PARP12: variants seen among roughly 807,000 people sequenced by gnomAD.
The protein encoded by PARP12 is poly(ADP-ribose) polymerase family member 12, also known as protein mono-ADP-ribosyltransferase PARP12.
Under a neutral mutation model 72.4 loss-of-function variants are expected in PARP12, and 59 were observed. The ratio of observed to expected loss-of-function variants is 0.81; its 90% CI spans 0.66 to 1.01. The LOEUF is 1.01. Among genes scored for constraint, PARP12 ranks in the 50% least tolerant of loss-of-function variants. The probability of loss-of-function intolerance (pLI) is 0.00; values close to 1 mark genes in which losing one functional copy is unlikely to be tolerated. For synonymous variants in PARP12, 403 were observed against 371.4 expected, an observed-to-expected ratio of 1.09 and a Z score of -0.98; for missense variants, 851 against 914.0, an observed-to-expected ratio of 0.93 and a Z score of 0.89.
At position 140,037,851 on chromosome 7, in the gene PARP12, C is replaced by G. The variant is rs538895238; in HGVS notation, c.1188G>C (p.Thr396=). The G allele has an allele frequency of 6.2e-7, 1 of 1,605,222 alleles. No homozygotes were observed. The highest frequency in any genetic ancestry group is 1.1e-5 in the South Asian group (1 of 90,846). Residue 396 remains threonine (T), a synonymous_variant, in exon 7 of 12, where the codon ACG becomes ACC. Coordinates refer to ENST00000263549, the MANE Select transcript of PARP12 (RefSeq NM_022750.4). ...TGCTGACAGTGGTCACAGGGTGCAC[C>G]GTGCCCTGCGATGGAAAGCCAGACA... The part of the protein sequence containing the change: ...GSWQEYGRQG[T]VHPVTTVSSS...
chr7:140,062,857 G>GCCTGCTCCCGTCGGA lies in PARP12; in HGVS notation c.-25_-11dup. 7.7e-7 allele frequency: 1 copy of GCCTGCTCCCGTCGGA among 1,295,852 alleles called. No homozygotes were observed. Among genetic ancestry groups the GCCTGCTCCCGTCGGA allele is most frequent in the Non-Finnish European group, 9.8e-7 (1 of 1,025,002 alleles). The allele number at this position is 1,295,852 out of a possible 1,614,324, so 80.3% of individuals were successfully genotyped here. ...CGCCGGCCTGGGCCATGGCCGCTGG[G>GCCTGCTCCCGTCGGA]CCTGCTCCCGTCGGACCGCGGGTGG... On this transcript the variant is annotated 5_prime_UTR_variant, in exon 1 of 12. Transcript: ENST00000263549.
intron 4 of PARP12, among the ~76,000 whole-genome samples, chr7:140,053,762 T>C (rs1817066004): frequency 6.6e-6 from 1 of 152,172 alleles, no homozygotes; most frequent in Non-Finnish European, 1.5e-5. Context: ...CACTTGTTTT[T>C]AAAATGAGGT....
At chr7:140,043,811 C>T (rs146405882) in intron 5 of PARP12, among the ~76,000 whole-genome samples, 163 of 152,272 alleles carry the variant, frequency 1.1e-3, no homozygotes, top group African/African-American at 3.5e-3. Flanking sequence ...GGATTACACG[C>T]GTGAGCCACT....
intron 7 of PARP12, 43 bp from the exon 8 acceptor site, chr7:140,034,374 T>A: frequency 6.8e-7 from 1 of 1,463,744 alleles, no homozygotes; most frequent in Non-Finnish European, 9.4e-7. Flanking sequence ...CATATACATA[T>A]ACATACACAC....
At chr7:140,055,902 A>G (rs1817158518) in intron 3 of PARP12, among the ~76,000 whole-genome samples, 1 of 152,232 alleles carries the variant, frequency 6.6e-6, no homozygotes. Context: ...CTGGCATGCA[A>G]CTGACATTCT....
At chr7:140,046,039 A>T (rs1816705980) in intron 5 of PARP12, among the ~76,000 whole-genome samples, 1 of 152,212 alleles carries the variant, frequency 6.6e-6, no homozygotes, top group Non-Finnish European at 1.5e-5. Context: ...AATGATCCGT[A>T]TCTCAATCAG....
At chr7:140,037,042 G>T (rs1816230716) in intron 7 of PARP12, among the ~76,000 whole-genome samples, 1 of 152,236 alleles carries the variant, frequency 6.6e-6, no homozygotes, top group African/African-American at 2.4e-5. Context: ...ATGGCAGCAG[G>T]CCAGGCGCGG....
chr7:140,030,485 C>A (rs1815897021), intron 8 of PARP12, among the ~76,000 whole-genome samples: 1 of 152,208 alleles, frequency 6.6e-6, no homozygotes, highest in Admixed American at 6.5e-5. Flanking sequence ...GTAGTCCAAG[C>A]TACTCAGGAG....
intron 8 of PARP12, chr7:140,028,895 A>G (rs942073982): frequency 2.4e-5 from 10 of 413,210 alleles, no homozygotes; most frequent in African/African-American, 2.1e-4. Context: ...AACTCCAAAC[A>G]GTCCTGAGAG....
chr7:140,044,205 T>C (rs573087076), intron 5 of PARP12, among the ~76,000 whole-genome samples: 3 of 152,302 alleles, frequency 2.0e-5, no homozygotes, highest in Non-Finnish European at 4.4e-5. Context: ...GACTATCTAT[T>C]ATACTGGATT....
At chr7:140,030,772 T>G (rs1423039378) in intron 8 of PARP12, among the ~76,000 whole-genome samples, 1 of 152,252 alleles carries the variant, frequency 6.6e-6, no homozygotes, top group Non-Finnish European at 1.5e-5. Context: ...TAAACTTTCT[T>G]AAAACATTAT....
At chr7:140,061,651 C>A (rs1817448812) in intron 1 of PARP12, among the ~76,000 whole-genome samples, 1 of 152,282 alleles carries the variant, frequency 6.6e-6, no homozygotes, top group East Asian at 1.9e-4. Context: ...CCATCACCTC[C>A]AGGGTGAGGC....
At chr7:140,044,207 T>C (rs911269790) in intron 5 of PARP12, among the ~76,000 whole-genome samples, 1 of 152,224 alleles carries the variant, frequency 6.6e-6, no homozygotes, top group Non-Finnish European at 1.5e-5. Context: ...CTATCTATTA[T>C]ACTGGATTGA....
chr7:140,036,986 C>T (rs1816228648), intron 7 of PARP12, among the ~76,000 whole-genome samples: 1 of 152,108 alleles, frequency 6.6e-6, no homozygotes, highest in Admixed American at 6.5e-5. Context: ...ACTCTGTGTC[C>T]TACCATCCGT....
At chr7:140,045,531 T>C (rs533998056) in intron 5 of PARP12, among the ~76,000 whole-genome samples, 1 of 152,332 alleles carries the variant, frequency 6.6e-6, no homozygotes, top group East Asian at 1.9e-4. Flanking sequence ...AGAATTCAAG[T>C]GTCCAAGGTT....
intron 5 of PARP12, among the ~76,000 whole-genome samples, chr7:140,046,605 C>T (rs1816732604): frequency 6.6e-6 from 1 of 152,198 alleles, no homozygotes; most frequent in Non-Finnish European, 1.5e-5. Flanking sequence ...TTCTCCTTTC[C>T]CCATTGCTCC....
chr7:140,041,864 C>A (rs1442271812), intron 5 of PARP12, 25 bp from the exon 6 acceptor site: 13 of 1,577,542 alleles, frequency 8.2e-6, no homozygotes, highest in African/African-American at 1.4e-5. Context: ...CAGCAGCAGA[C>A]TGAAAATCCC....
At chr7:140,041,883 A>C (rs779048408) in intron 5 of PARP12, 44 bp from the exon 6 acceptor site, 1 of 1,498,338 alleles carries the variant, frequency 6.7e-7, no homozygotes, top group East Asian at 2.3e-5. Context: ...CCACCAGCCA[A>C]GCAGACACAG....
At chr7:140,038,246 T>C (rs1331868262) in intron 6 of PARP12, 2 of 985,332 alleles carry the variant, frequency 2.0e-6, no homozygotes, top group Non-Finnish European at 2.4e-6. Flanking sequence ...TACCCGTCTA[T>C]TCACGTTGCA....
Sources: gnomAD v4.1 joint callset for allele counts (sites outside exome capture counted in the v4.1 genomes callset) on GRCh38, gnomAD v4.1.1 for gene constraint, MANE v1.5 for transcripts, NCBI Gene and HGNC (gene_info 2026-07-23, HGNC 2026-07-21) for gene names.